The following TRAK1 variants were observed in gnomAD, a reference collection of about 807,000 sequenced individuals.
The protein encoded by TRAK1 is trafficking kinesin protein 1.
In TRAK1, 33 loss-of-function variants were observed where a neutral mutation model predicts 92.1. The observed-to-expected ratio is 0.36, with a 90% CI of 0.27 to 0.48. The LOEUF is 0.48. Among genes scored for constraint, TRAK1 ranks in the 20% least tolerant of loss-of-function variants. The pLI is 0.99. For synonymous variants in TRAK1, 521 were observed against 517.3 expected, an observed-to-expected ratio of 1.01 and a Z score of -0.10; for missense variants, 1,123 against 1,257.9, an observed-to-expected ratio of 0.89 and a Z score of 1.62.
At chr3:42,075,012 A>G (rs183903650) in intron 1 of TRAK1, among the ~76,000 whole-genome samples, 169 of 152,142 alleles carry the variant, frequency 1.1e-3, no homozygotes, top group African/African-American at 3.9e-3. Flanking sequence ...AGCTCCATCT[A>G]TGTTGCTGCA....
intron 2 of TRAK1, among the ~76,000 whole-genome samples, chr3:42,155,482 C>G (rs9311301): frequency 0.78 from 117,934 of 152,166 alleles, 46,156 homozygotes; most frequent in East Asian, 0.99. Context: ...AGTCTGGTCC[C>G]CTTCATAGGT....
intron 2 of TRAK1, among the ~76,000 whole-genome samples, chr3:42,172,812 C>T (rs1460958174): frequency 6.6e-6 from 1 of 152,194 alleles, no homozygotes; most frequent in African/African-American, 2.4e-5. Flanking sequence ...TTGCATTTAA[C>T]TTCTTTTTCT....
At position 42,192,400 on chromosome 3, in the gene TRAK1, A is replaced by ATTGCATTTTGTCAAAATACTAAGTATT. The variant is rs1559905936; in HGVS notation, c.770-667_770-666insTGTCAAAATACTAAGTATTTTGCATTT. ...GACCAAAGGTCAAAATACTAAGTAT[A>ATTGCATTTTGTCAAAATACTAAGTATT]TTGCATTTCGTCAAAGTACTAAGTA... On this transcript the variant is annotated intron_variant, in intron 7 of 15. Coordinates refer to ENST00000327628, the MANE Select transcript of TRAK1 (RefSeq NM_001042646.3). 3.5e-4 allele frequency among the ~76,000 whole-genome samples: 46 copies of ATTGCATTTTGTCAAAATACTAAGTATT among 131,350 alleles called. No homozygotes were observed. In the East Asian group the frequency reaches 6.6e-3, roughly 19 times the overall value. The allele number at this position is 131,350 out of a possible 152,430, so 86.2% of individuals were successfully genotyped here.
At chr3:42,197,022 A>T (rs1434240581) in intron 10 of TRAK1, among the ~76,000 whole-genome samples, 2 of 150,880 alleles carry the variant, frequency 1.3e-5, no homozygotes, top group African/African-American at 4.9e-5. Context: ...ACACACACAC[A>T]CACACACACA....
At chr3:42,089,789 C>T (rs1704905326), upstream of TRAK1, among the ~76,000 whole-genome samples, 1 of 151,550 alleles carries the variant, frequency 6.6e-6, no homozygotes, top group Admixed American at 6.6e-5. Flanking sequence ...TTTTGTCTCC[C>T]AAACTTGCAG....
At chr3:42,127,238 G>T (rs1559803291) in intron 2 of TRAK1, among the ~76,000 whole-genome samples, 1 of 152,016 alleles carries the variant, frequency 6.6e-6, no homozygotes, top group Non-Finnish European at 1.5e-5. Context: ...ATTATTTTTT[G>T]GGAAATCTCT....
chr3:42,174,374 C>T (rs144387704), intron 2 of TRAK1, among the ~76,000 whole-genome samples: 139 of 152,208 alleles, frequency 9.1e-4, no homozygotes, highest in Admixed American at 1.6e-3. Context: ...GCAAGTAAAA[C>T]GGGAACTCTG....
intron 7 of TRAK1, among the ~76,000 whole-genome samples, chr3:42,192,127 C>G (rs904793986): frequency 6.6e-6 from 1 of 151,936 alleles, no homozygotes. Context: ...GTCTTGAACT[C>G]CTGACCTCAG....
rs952371683 is a variant in TRAK1, at chr3:42,218,848, G to C, written c.1964-646G>C. 6 of 985,280 alleles carry C rather than the reference G, an allele frequency of 6.1e-6. No individual in the cohort carries two copies. In the Admixed American group the frequency reaches 1.8e-4, roughly 30 times the overall value. The allele number at this position is 985,280 out of a possible 1,614,324, so 61.0% of individuals were successfully genotyped here. A position where few individuals can be genotyped will look rare whatever the true frequency, so the allele number is the denominator to read the frequency against. On this transcript the variant is annotated intron_variant, in intron 14 of 15. Coordinates refer to ENST00000327628, the MANE Select transcript of TRAK1 (RefSeq NM_001042646.3). ...GCTCACACTGCTGTGTGTCAGACCA[G>C]ACCTGATCCTGGAGCTCAGGACCCT... is the stretch of plus-strand genomic sequence containing the variant.
intron 2 of TRAK1, among the ~76,000 whole-genome samples, chr3:42,164,603 C>T (rs1054018916): frequency 6.6e-6 from 1 of 152,182 alleles, no homozygotes. Flanking sequence ...TGTATTATCT[C>T]ATTGAATCCT....
Position 42,223,898 on chromosome 3 carries a change from G to A in TRAK1, c.*161G>A. ...ACCTCGTGCCTAATGGAGGAAGTGT[G>A]GAAACTTTGTAAAATGTGTACATAG... On this transcript the variant is annotated 3_prime_UTR_variant, in exon 16 of 16. Coordinates refer to ENST00000327628, the MANE Select transcript of TRAK1 (RefSeq NM_001042646.3). The surrounding 1 kb of genome is among the most constrained non-coding windows in gnomAD (Gnocchi z 6.1). 1 of 829,518 alleles carries A rather than the reference G, an allele frequency of 1.2e-6. No homozygotes were observed. The highest frequency in any genetic ancestry group is 1.9e-6 in the Non-Finnish European group (1 of 529,952). The allele number at this position is 829,518 out of a possible 1,614,324, so 51.4% of individuals were successfully genotyped here.
intron 13 of TRAK1, 46 bp from the exon 14 acceptor site, chr3:42,209,721 C>T (rs1708760704): frequency 1.3e-6 from 2 of 1,575,548 alleles, no homozygotes; most frequent in South Asian, 1.1e-5. Context: ...CATCCTAACC[C>T]TCTCTTCTCC....
chr3:42,047,913 G>GTT (rs1702820570), intron 1 of TRAK1, among the ~76,000 whole-genome samples: 1 of 125,200 alleles, frequency 8.0e-6, no homozygotes, highest in Admixed American at 8.1e-5. Context: ...CCCCCCCATA[G>GTT]TTTCTTTTCT....
chr3:42,054,619 C>A (rs1430808640), intron 1 of TRAK1, among the ~76,000 whole-genome samples: 4 of 152,242 alleles, frequency 2.6e-5, no homozygotes, highest in South Asian at 2.1e-4. Context: ...ATAAAAACAG[C>A]CTTCTCCTCT....
Position 42,056,774 on chromosome 3 carries a change from T to C in TRAK1, c.-518-30330T>C, listed in dbSNP as rs567552343. Among the ~76,000 whole-genome samples the C allele has an allele frequency of 2.0e-5, 3 of 152,342 alleles. No individual in the cohort carries two copies. The East Asian group carries it at 5.8e-4, about 29-fold the overall frequency. On this transcript the variant is annotated intron_variant, in intron 1 of 16. Transcript: ENST00000487159. ...ATGTATGCCATGTTAGGATACAATATTGAGTGCTTGTATATTTTTGAATTC... is the reference window on the plus strand; with the variant it reads ...ATGTATGCCATGTTAGGATACAATACTGAGTGCTTGTATATTTTTGAATTC...
In TRAK1 at chr3:42,224,113, T is replaced by G; in HGVS notation, c.*376T>G. ...ATCCCATGGATAGGAAACCAGTGAA[T>G]TCCGTGGCTGGCACACCACGAGCTG... On this transcript the variant is annotated 3_prime_UTR_variant, in exon 16 of 16. Transcript: ENST00000327628. The G allele has an allele frequency of 2.2e-6, 1 of 464,438 alleles. No homozygotes were observed. The highest frequency in any genetic ancestry group is 2.3e-5 in the Admixed American group (1 of 42,676). 28.8% of individuals were successfully genotyped at this position (464,438 alleles called of 1,614,324 possible).
intron 1 of TRAK1, among the ~76,000 whole-genome samples, chr3:42,039,907 A>G (rs906466035): frequency 2.0e-5 from 3 of 152,178 alleles, no homozygotes; most frequent in Admixed American, 6.5e-5. Context: ...ATGTTTGATT[A>G]TAGGCATCCT....
At chr3:42,109,526 A>G (rs41482148) in intron 1 of TRAK1, among the ~76,000 whole-genome samples, 7,883 of 152,316 alleles carry the variant, frequency 0.052, 705 homozygotes, top group African/African-American at 0.18. Context: ...TCCATCCTAA[A>G]CATGGTATAA....
Position 42,194,857 on chromosome 3 carries a change from G to A in TRAK1, c.1029G>A (p.Ala343=), listed in dbSNP as rs761614570. The part of the protein sequence containing the change: ...YAECMEMLHE[A]QEELKNLRNK... ...AGTGCATGGAGATGCTGCATGAGGC[G>A]CAGGAGGAGCTGAAGAACCTCCGGA... The change falls in exon 10 of 16, where the codon GCG becomes GCA. Residue 343 remains alanine (A), a synonymous_variant. Transcript: ENST00000327628. 5.6e-6 allele frequency: 9 copies of A among 1,613,762 alleles called. No individual in the cohort carries two copies. Among genetic ancestry groups the A allele is most frequent in the East Asian group, 2.2e-5 (1 of 44,882 alleles).
Sources: gnomAD v4.1 joint callset for allele counts (sites outside exome capture counted in the v4.1 genomes callset) on GRCh38, gnomAD v4.1.1 for gene constraint, Gnocchi (gnomAD v3.1) non-coding constraint, MANE v1.5 for transcripts, NCBI Gene and HGNC (gene_info 2026-07-23, HGNC 2026-07-21) for gene names.